The following ATG2A variants were observed in gnomAD, a reference collection of about 807,000 sequenced individuals.
The protein encoded by ATG2A is autophagy-related protein 2 homolog A.
In ATG2A, 103 loss-of-function variants were observed where a neutral mutation model predicts 214.2. That is an observed-to-expected ratio of 0.48 (90% CI 0.41 to 0.57). The LOEUF is 0.57. ATG2A is among the 20% of genes least tolerant of loss of function. The pLI is 0.00. For missense variants in ATG2A, 2,312 were observed against 2,613.2 expected, an observed-to-expected ratio of 0.88 and a Z score of 2.51; for synonymous variants, 1,160 against 1,142.1, an observed-to-expected ratio of 1.02 and a Z score of -0.32.
chr11:64,910,235 T>C (rs752942074), intron 12 of ATG2A, 40 bp from the exon 13 acceptor site: 83 of 1,540,456 alleles, frequency 5.4e-5, no homozygotes, highest in Non-Finnish European at 6.9e-5. Context: ...GGCTGAGTGG[T>C]ACTCAGCGGG....
In ATG2A at chr11:64,901,113, C is replaced by T. The variant is rs377602955; in HGVS notation, c.4120-21G>A. The T allele has an allele frequency of 1.3e-5, 20 of 1,551,430 alleles. No individual in the cohort carries two copies. In the East Asian group the frequency reaches 1.5e-4, roughly 11 times the overall value. On this transcript the variant is annotated intron_variant, in intron 29 of 40. Transcript: ENST00000377264. ...CGGGGCTGCAGGGAGGCCAGGTAGA[C>T]GTGTGACACAGATGTTCGATCCAGC... is the stretch of plus-strand genomic sequence containing the variant.
Position 64,894,887 on chromosome 11 carries a change from AGGCCGGGCCG to A in ATG2A, c.*76_*85del. ...CACAGTGGCCATCCCCTGAAGGGCC[AGGCCGGGCCG>A]GGCCCGTGGGCTGCAGCTCTTGGGA... On this transcript the variant is annotated 3_prime_UTR_variant, in exon 41 of 41. Transcript: ENST00000377264. The A allele has an allele frequency of 4.0e-6, 6 of 1,502,448 alleles. No homozygotes were observed. The highest frequency in any genetic ancestry group is 2.7e-5 in the African/African-American group (2 of 72,972). 93.1% of individuals were successfully genotyped at this position (1,502,448 alleles called of 1,614,324 possible).
intron 6 of ATG2A, 74 bp from the exon 7 acceptor site, chr11:64,912,497 C>T (rs907911502): frequency 7.7e-7 from 1 of 1,302,868 alleles, no homozygotes. Flanking sequence ...CCCGCCTGCC[C>T]TCGCCCTGGG....
At chr11:64,900,224 C>CCA (rs1287436498) in intron 31 of ATG2A, among the ~76,000 whole-genome samples, 1 of 151,906 alleles carries the variant, frequency 6.6e-6, no homozygotes, top group East Asian at 1.9e-4. Context: ...GCTCACATCC[C>CCA]CACTTGTTCA....
chr11:64,912,251 T>C lies in ATG2A; in HGVS notation c.923-2A>G. 1 of 1,612,616 alleles carries C rather than the reference T, an allele frequency of 6.2e-7. No homozygotes were observed. The highest frequency in any genetic ancestry group is 8.5e-7 in the Non-Finnish European group (1 of 1,179,242). ...GCTTGTCAGCCAGGCCCTCGTGGTCTGCAGGGGAGGAGACTTCAGTCTGGG... is the reference window on the plus strand; with the variant it reads ...GCTTGTCAGCCAGGCCCTCGTGGTCCGCAGGGGAGGAGACTTCAGTCTGGG... On this transcript the variant is annotated splice_acceptor_variant, in intron 7 of 40. Transcript: ENST00000377264. LOFTEE classifies it high-confidence loss of function.
intron 39 of ATG2A, 89 bp downstream of exon 39, chr11:64,896,373 G>A (rs1424659363): frequency 4.7e-6 from 7 of 1,487,490 alleles, no homozygotes; most frequent in Admixed American, 4.4e-5. Flanking sequence ...CCCACTCTGA[G>A]GAGCTTTGAG....
intron 16 of ATG2A, 31 bp downstream of exon 16, chr11:64,908,960 G>C: frequency 6.5e-7 from 1 of 1,547,762 alleles, no homozygotes; most frequent in Non-Finnish European, 8.7e-7. Flanking sequence ...GGCGGGAGGG[G>C]GTCCTGGGAA....
At chr11:64,897,777 C>T in intron 35 of ATG2A, 34 bp from the exon 36 acceptor site, 3 of 1,614,172 alleles carry the variant, frequency 1.9e-6, no homozygotes, top group South Asian at 2.2e-5. Flanking sequence ...GGGTTCTTTG[C>T]TCACTGGCCT....
In ATG2A at chr11:64,907,269, G is replaced by A. The variant is rs1430345628; in HGVS notation, c.2818C>T (p.Leu940Phe). ...VTVLKGRITA[L>F]CETKDEGGKR... The stretch of plus-strand genomic sequence containing the variant: ...GCTGCACTCACCTTGGTCTCACAGA[G>A]GGCTGTGATCCGCCCCTTCAGCACT... The change falls in exon 19 of 41, where the codon CTC becomes TTC. Residue 940 changes from leucine to phenylalanine, a missense_variant. Coordinates refer to ENST00000377264, the MANE Select transcript of ATG2A (RefSeq NM_015104.3). The A allele has an allele frequency of 1.8e-5, 28 of 1,516,444 alleles. No homozygotes were observed. The highest frequency in any genetic ancestry group is 2.2e-5 in the Non-Finnish European group (25 of 1,129,796). The allele number at this position is 1,516,444 out of a possible 1,614,324, so 93.9% of individuals were successfully genotyped here.
intron 30 of ATG2A, 103 bp from the exon 31 acceptor site, chr11:64,900,732 G>T: frequency 6.9e-7 from 1 of 1,454,220 alleles, no homozygotes; most frequent in Non-Finnish European, 9.1e-7. Flanking sequence ...GCTAGCCCCA[G>T]TCCTGGAAGG....
intron 26 of ATG2A, 94 bp from the exon 27 acceptor site, chr11:64,902,774 T>A: frequency 8.4e-7 from 1 of 1,184,564 alleles, no homozygotes; most frequent in Admixed American, 2.0e-5. Context: ...GCAGTTCTGA[T>A]CCTGCCACAG....
chr11:64,917,137 T>G lies in ATG2A; in HGVS notation c.-2A>C. Reference sequence around the variant, plus strand: ...CCATGGCCACAGCCATCGTGACATCTCGGAGACCGCCGGGCCTGGGCCGCC... The same window carrying G: ...CCATGGCCACAGCCATCGTGACATCGCGGAGACCGCCGGGCCTGGGCCGCC... On this transcript the variant is annotated 5_prime_UTR_variant, in exon 1 of 41. Transcript: ENST00000377264. 1 of 1,600,812 alleles carries G rather than the reference T, an allele frequency of 6.2e-7. No homozygotes were observed. The highest frequency in any genetic ancestry group is 1.3e-5 in the African/African-American group (1 of 74,406).
rs541969638 is a variant in ATG2A, at chr11:64,895,907, G to A, written c.5428-465C>T. On this transcript the variant is annotated intron_variant, in intron 39 of 40. Coordinates refer to ENST00000377264, the MANE Select transcript of ATG2A (RefSeq NM_015104.3). This position sits in a 1 kb window ranked among gnomAD's most constrained non-coding sequence, Gnocchi z 5.0. ...GACTGAACACTCCCGGGGGCTCCCT[G>A]GTGCCCATGCATCCCTCCCACCTCC... Among the ~76,000 whole-genome samples, 3 of 152,238 alleles carry A rather than the reference G, an allele frequency of 2.0e-5. No homozygotes were observed. Among genetic ancestry groups the A allele is most frequent in the African/African-American group, 7.2e-5 (3 of 41,556 alleles).
chr11:64,909,520 G>A (rs1944682330), intron 14 of ATG2A, among the ~76,000 whole-genome samples, 153 bp from the exon 15 acceptor site: 1 of 152,232 alleles, frequency 6.6e-6, no homozygotes, highest in Non-Finnish European at 1.5e-5. Context: ...CTACTTGTCG[G>A]TGAGGAGGCC....
chr11:64,901,219 G>C, intron 29 of ATG2A, 127 bp from the exon 30 acceptor site: 1 of 958,674 alleles, frequency 1.0e-6, no homozygotes, highest in South Asian at 1.6e-5. Context: ...GGTCATGTTC[G>C]GTCACCCAGG....
intron 14 of ATG2A, 133 bp from the exon 15 acceptor site, chr11:64,909,500 A>T: frequency 7.2e-7 from 1 of 1,395,074 alleles, no homozygotes; most frequent in Admixed American, 1.9e-5. Flanking sequence ...CCAGAGACAA[A>T]GGGTCCACCC....
Position 64,907,455 on chromosome 11 carries a change from C to T in ATG2A, c.2648-16G>A, listed in dbSNP as rs562883194. ...AAGCAGTTGGCTGGGAAGGAGACCG[C>T]GAAGGGCTAGCCTGGCCCTTCCCAG... On this transcript the variant is annotated splice_polypyrimidine_tract_variant and intron_variant, in intron 18 of 40. Transcript: ENST00000377264. 13 of 1,605,312 alleles carry T rather than the reference C, an allele frequency of 8.1e-6. No individual in the cohort carries two copies. Among genetic ancestry groups the T allele is most frequent in the African/African-American group, 4.0e-5 (3 of 74,956 alleles).
intron 6 of ATG2A, 57 bp from the exon 7 acceptor site, chr11:64,912,480 G>T: frequency 7.1e-7 from 1 of 1,415,446 alleles, no homozygotes; most frequent in Non-Finnish European, 9.5e-7. Flanking sequence ...TCCTCTAAGA[G>T]CTACCACCCG....
Position 64,906,777 on chromosome 11 carries a change from C to T in ATG2A, c.2871G>A (p.Glu957=), listed in dbSNP as rs368322390. The T allele has an allele frequency of 7.4e-6, 12 of 1,613,252 alleles. No individual in the cohort carries two copies. The South Asian group carries it at 1.2e-4, about 16-fold the overall frequency. ...TACCGTGCTCCATGTCCAGCACCAG[C>T]TCCCCGTGCACAGCCTCCAGCCGCT... The part of the protein sequence containing the change: ...GGKRLEAVHG[E]LVLDMEHGTL... Residue 957 remains glutamate, a synonymous_variant, in exon 20 of 41, where the codon GAG becomes GAA. Coordinates refer to ENST00000377264, the MANE Select transcript of ATG2A (RefSeq NM_015104.3).
Sources: gnomAD v4.1 joint callset for allele counts (sites outside exome capture counted in the v4.1 genomes callset) on GRCh38, gnomAD v4.1.1 for gene constraint, Gnocchi (gnomAD v3.1) non-coding constraint, MANE v1.5 for transcripts, NCBI Gene and HGNC (gene_info 2026-07-23, HGNC 2026-07-21) for gene names.